Variants in TAF4B observed in about 807,000 individuals in gnomAD.
TAF4B encodes the protein transcription initiation factor TFIID subunit 4B.
Under a neutral mutation model 86.4 loss-of-function variants are expected in TAF4B, and 38 were observed. That is an observed-to-expected ratio of 0.44 (90% CI 0.34 to 0.58). TAF4B has a LOEUF of 0.58. Among genes scored for constraint, TAF4B ranks in the 20% least tolerant of loss-of-function variants. The pLI, the probability that TAF4B is intolerant of heterozygous loss-of-function variation, is 0.02. For missense variants in TAF4B, 988 were observed against 1,027.6 expected (o/e 0.96, Z 0.53); for synonymous variants, 388 against 391.2 (o/e 0.99, Z 0.10).
chr18:26,383,976 C>G (rs1978308105), intron 14 of TAF4B, among the ~76,000 whole-genome samples: 3 of 152,146 alleles, frequency 2.0e-5, no homozygotes, highest in African/African-American at 7.2e-5. Context: ...TTTCAGTGTT[C>G]TTGTTACACT....
intron 12 of TAF4B, among the ~76,000 whole-genome samples, chr18:26,329,655 C>T (rs1316855829): frequency 1.3e-5 from 2 of 152,214 alleles, no homozygotes; most frequent in Non-Finnish European, 2.9e-5. Flanking sequence ...CAGGGCTCAT[C>T]TGATCTTTCC....
At chr18:26,230,255 A>T (rs2055644946) in intron 1 of TAF4B, among the ~76,000 whole-genome samples, 1 of 152,244 alleles carries the variant, frequency 6.6e-6, no homozygotes, top group Non-Finnish European at 1.5e-5. Context: ...CATGACAGTC[A>T]TACTGTACAA....
At chr18:26,272,913 T>C (rs966938447) in intron 3 of TAF4B, among the ~76,000 whole-genome samples, 10 of 152,174 alleles carry the variant, frequency 6.6e-5, no homozygotes, top group African/African-American at 1.2e-4. Context: ...AAAATTGTAC[T>C]AACTTAGGTG....
chr18:26,247,093 G>A (rs67053996), intron 1 of TAF4B, among the ~76,000 whole-genome samples: 31,883 of 151,816 alleles, frequency 0.21, 4,160 homozygotes, highest in Non-Finnish European at 0.3. Flanking sequence ...TCGAACTCCC[G>A]ATCTTAGGTG....
chr18:26,346,907 GTA>G (rs61248095), intron 13 of TAF4B, among the ~76,000 whole-genome samples: 291 of 11,220 alleles, frequency 0.026, 63 homozygotes, highest in African/African-American at 0.051. Context: ...ATATGTGTGT[GTA>G]TATATATATA....
intron 1 of TAF4B, among the ~76,000 whole-genome samples, chr18:26,229,651 C>T (rs1049037118): frequency 1.3e-4 from 20 of 151,856 alleles, no homozygotes; most frequent in African/African-American, 2.2e-4. Context: ...TACAGGCACA[C>T]GCCACCATGC....
Position 26,390,096 on chromosome 18 carries a change from T to A in TAF4B, c.*84T>A. 2 of 1,362,818 alleles carry A rather than the reference T, an allele frequency of 1.5e-6. No individual in the cohort carries two copies. Among genetic ancestry groups the A allele is most frequent in the Non-Finnish European group, 2.0e-6 (2 of 1,009,130 alleles). 84.4% of individuals were successfully genotyped at this position (1,362,818 alleles called of 1,614,324 possible). A position where few individuals can be genotyped will look rare whatever the true frequency, so the allele number is the denominator to read the frequency against. On this transcript the variant is annotated 3_prime_UTR_variant, in exon 15 of 15. Coordinates refer to ENST00000269142, the MANE Select transcript of TAF4B (RefSeq NM_005640.3). ...TGTTGCACTGTCCTGAAATTTCAAT[T>A]TCTGGAAAATAATCACCAACATGAA...
chr18:26,341,701 G>GA (rs1188145408), intron 13 of TAF4B, among the ~76,000 whole-genome samples: 4 of 150,260 alleles, frequency 2.7e-5, no homozygotes, highest in Non-Finnish European at 4.4e-5. Context: ...GTGGTTGGGA[G>GA]AAAAAAAAAT....
intron 1 of TAF4B, among the ~76,000 whole-genome samples, chr18:26,263,665 T>C (rs1044888951): frequency 6.6e-6 from 1 of 152,228 alleles, no homozygotes; most frequent in Non-Finnish European, 1.5e-5. Context: ...AATTCTTCCC[T>C]ATCCCAAGTT....
At chr18:26,307,836 G>T (rs1383796034) in intron 9 of TAF4B, among the ~76,000 whole-genome samples, 6 of 152,110 alleles carry the variant, frequency 3.9e-5, no homozygotes, top group Non-Finnish European at 7.4e-5. Flanking sequence ...GTTTGTCCTT[G>T]TGTATGCTCA....
intron 5 of TAF4B, 77 bp from the exon 6 acceptor site, chr18:26,281,894 C>T: frequency 4.5e-6 from 5 of 1,113,484 alleles, no homozygotes; most frequent in South Asian, 1.4e-5. Flanking sequence ...GCTATGTCTA[C>T]AATCATGAAT....
In TAF4B at chr18:26,315,149, T is replaced by TCACACA. The variant is rs1568148030; in HGVS notation, c.1833-79_1833-78insACACAC. ...CTCTCTCTCTCTCTCTCTCTCTGTC[T>TCACACA]CTCTCTCTCTCTCACACACACACAC... is the stretch of plus-strand genomic sequence containing the variant. On this transcript the variant is annotated intron_variant, in intron 9 of 14. Transcript: ENST00000269142. 33 of 429,214 alleles carry TCACACA rather than the reference T, an allele frequency of 7.7e-5. 1 individual carries two copies. The African/African-American group carries it at 8.0e-4, about 10-fold the overall frequency. The allele number at this position is 429,214 out of a possible 1,614,324, so 26.6% of individuals were successfully genotyped here.
chr18:26,275,357 T>C (rs2144567159), intron 5 of TAF4B, among the ~76,000 whole-genome samples: 1 of 152,270 alleles, frequency 6.6e-6, no homozygotes, highest in African/African-American at 2.4e-5. Context: ...GGTTTTGCCA[T>C]GTTGGCTGGG....
At chr18:26,317,026 A>ATTT (rs34772122) in intron 10 of TAF4B, among the ~76,000 whole-genome samples, 1 of 117,170 alleles carries the variant, frequency 8.5e-6, no homozygotes, top group African/African-American at 3.2e-5. Flanking sequence ...CTCCCTTCCG[A>ATTT]TTTTTTTTTT....
intron 1 of TAF4B, among the ~76,000 whole-genome samples, chr18:26,263,146 G>T (rs956272880): frequency 6.6e-6 from 1 of 152,070 alleles, no homozygotes; most frequent in Admixed American, 6.6e-5. Flanking sequence ...TAGAGACAGG[G>T]TCTCACTTTG....
At chr18:26,375,684 T>G (rs2057437912) in intron 14 of TAF4B, among the ~76,000 whole-genome samples, 1 of 152,226 alleles carries the variant, frequency 6.6e-6, no homozygotes. Flanking sequence ...TTCATGTGCT[T>G]GTAGACCATT....
chr18:26,242,736 C>CTG (rs1266398815), intron 1 of TAF4B, among the ~76,000 whole-genome samples: 1 of 152,170 alleles, frequency 6.6e-6, no homozygotes, highest in African/African-American at 2.4e-5. Flanking sequence ...TTGTTCCTTG[C>CTG]TGTGTTTAGT....
rs181480809 is a variant in TAF4B at position 26,391,141 on chromosome 18, G to A, written c.*1129G>A. Reference sequence around the variant, plus strand: ...CAATATCTCACTCTTGGGGATATGAGCTCTAAATATGAGAAGCAAGTTATA... The same window carrying A: ...CAATATCTCACTCTTGGGGATATGAACTCTAAATATGAGAAGCAAGTTATA... On this transcript the variant is annotated 3_prime_UTR_variant, in exon 15 of 15. Coordinates refer to ENST00000269142, the MANE Select transcript of TAF4B (RefSeq NM_005640.3). The A allele has an allele frequency of 2.6e-5, 4 of 151,674 alleles. No individual in the cohort carries two copies. In the East Asian group the frequency reaches 7.7e-4, roughly 29 times the overall value. 9.4% of individuals were successfully genotyped at this position (151,674 alleles called of 1,614,324 possible).
chr18:26,334,653 A>G (rs902315017), intron 12 of TAF4B, among the ~76,000 whole-genome samples: 1 of 152,226 alleles, frequency 6.6e-6, no homozygotes, highest in Non-Finnish European at 1.5e-5. Context: ...ATGATAAGAC[A>G]TTCTAATTAA....
Sources: allele counts gnomAD v4.1 joint callset (sites outside exome capture counted in the v4.1 genomes callset), GRCh38; gene constraint gnomAD v4.1.1; transcripts MANE v1.5; gene names NCBI Gene and HGNC (gene_info 2026-07-23, HGNC 2026-07-21).